RBBP6: variants seen among roughly 807,000 people sequenced by gnomAD.
The protein encoded by RBBP6 is E3 ubiquitin-protein ligase RBBP6.
In RBBP6, 25 loss-of-function variants were observed where a neutral mutation model predicts 167.7. The ratio of observed to expected loss-of-function variants is 0.15; its 90% confidence interval spans 0.11 to 0.21. The LOEUF is 0.21. Among genes scored for constraint, RBBP6 ranks in the 10% least tolerant of loss-of-function variants. The probability of loss-of-function intolerance (pLI) is 1.00; values close to 1 mark genes in which losing one functional copy is unlikely to be tolerated. For missense variants in RBBP6, 1,868 were observed against 2,134.2 expected (o/e 0.88, Z 2.46); for synonymous variants, 789 against 735.8 (o/e 1.07, Z -1.17).
chr16:24,560,299 G>A (rs1434941757), intron 8 of RBBP6, among the ~76,000 whole-genome samples: 3 of 151,966 alleles, frequency 2.0e-5, no homozygotes, highest in Non-Finnish European at 4.4e-5. Flanking sequence ...GTAGAGACGG[G>A]GTTTCACTGT....
intron 13 of RBBP6, among the ~76,000 whole-genome samples, chr16:24,564,511 A>T (rs538119364): frequency 1.3e-5 from 2 of 152,346 alleles, no homozygotes; most frequent in East Asian, 3.9e-4. Flanking sequence ...TATAACAATA[A>T]GTTCACAGAG....
rs761944546 is a variant in RBBP6, at chr16:24,572,184, T to C, written c.5118T>C (p.Pro1706=). Residue 1706 remains proline (P), a synonymous_variant, in exon 18 of 18, where the codon CCT becomes CCC. Transcript: ENST00000319715. Reference sequence around the variant, plus strand: ...TCAGCCCCAGCAGAAGCCACAGTCCTTCTGGAAGCCAGACCCGAAGCCACA... The same window carrying C: ...TCAGCCCCAGCAGAAGCCACAGTCCCTCTGGAAGCCAGACCCGAAGCCACA... ...PSVSPSRSHS[P]SGSQTRSHSS... 6.2e-7 allele frequency: 1 copy of C among 1,613,920 alleles called. No homozygotes were observed. Among genetic ancestry groups the C allele is most frequent in the East Asian group, 2.2e-5 (1 of 44,862 alleles).
intron 7 of RBBP6, among the ~76,000 whole-genome samples, chr16:24,558,934 G>A (rs1375507236): frequency 1.3e-5 from 2 of 152,092 alleles, no homozygotes; most frequent in Non-Finnish European, 2.9e-5. Flanking sequence ...TTAATTATTT[G>A]TGTGGTAATG....
intron 6 of RBBP6, 147 bp downstream of exon 6, chr16:24,556,064 A>T: frequency 1.1e-6 from 1 of 874,120 alleles, no homozygotes. Flanking sequence ...CCAGGCTTCA[A>T]ATCTTGGTTC....
Position 24,569,224 on chromosome 16 carries a change from A to G in RBBP6, c.2534A>G (p.Tyr845Cys). The stretch of plus-strand genomic sequence containing the variant: ...TGGTATGAAAAATATTATAAAGGTT[A>G]TGCTGCTGGAGCACAGCCTAGACCC... ...REWYEKYYKG[Y>C]AAGAQPRPSA... Residue 845 changes from tyrosine to cysteine, a missense_variant, in exon 17 of 18, where the codon TAT becomes TGT. By Grantham distance (194) the Tyr-to-Cys change is radical. Around this residue, in one of 7 missense-constraint regions of RBBP6, gnomAD observed 673 missense variants for 691.5 expected, o/e 0.97. Coordinates refer to ENST00000319715, the MANE Select transcript of RBBP6 (RefSeq NM_006910.5). The G allele has an allele frequency of 6.2e-7, 1 of 1,613,886 alleles. No individual in the cohort carries two copies. Among genetic ancestry groups the G allele is most frequent in the Non-Finnish European group, 8.5e-7 (1 of 1,179,958 alleles).
chr16:24,545,480 C>A, intron 1 of RBBP6, among the ~76,000 whole-genome samples: 1 of 152,114 alleles, frequency 6.6e-6, no homozygotes, highest in East Asian at 1.9e-4. Flanking sequence ...ATGGTCTATA[C>A]CTTTCTGTCA....
intron 1 of RBBP6, among the ~76,000 whole-genome samples, chr16:24,541,639 T>C (rs529389484): frequency 2.0e-5 from 3 of 152,344 alleles, no homozygotes; most frequent in Non-Finnish European, 2.9e-5. Flanking sequence ...CTTTCTCCTT[T>C]TCAAAAGTAT....
intron 7 of RBBP6, 75 bp downstream of exon 7, chr16:24,556,522 G>C (rs1898915385): frequency 2.1e-6 from 3 of 1,430,614 alleles, no homozygotes; most frequent in Non-Finnish European, 2.8e-6. Flanking sequence ...TCTTGGGCTT[G>C]TAACTTTGCT....
intron 4 of RBBP6, chr16:24,554,066 A>G (rs1181500900): frequency 2.0e-5 from 3 of 152,712 alleles, no homozygotes; most frequent in African/African-American, 4.8e-5. Context: ...TGAACAACCT[A>G]ATTTGTTTGA....
Position 24,572,549 on chromosome 16 carries a change from T to G in RBBP6, c.*104T>G, listed in dbSNP as rs1899367897. On this transcript the variant is annotated 3_prime_UTR_variant, in exon 18 of 18. Transcript: ENST00000319715. ...TTGTAAATAATGACATGGAAGACCC[T>G]GTGCTGCACTTAAAATATTGCTGCT... The G allele has an allele frequency of 5.8e-6, 8 of 1,368,752 alleles. No individual in the cohort carries two copies. Among genetic ancestry groups the G allele is most frequent in the Admixed American group, 6.1e-5 (2 of 32,680 alleles). 84.8% of individuals were successfully genotyped at this position (1,368,752 alleles called of 1,614,324 possible). A position where few individuals can be genotyped will look rare whatever the true frequency, so the allele number is the denominator to read the frequency against.
chr16:24,570,978 C>T lies in RBBP6; in HGVS notation c.3912C>T (p.Thr1304=), dbSNP rs7196736. Residue 1304 remains threonine (T), a synonymous_variant, in exon 18 of 18, where the codon ACC becomes ACT. Transcript: ENST00000319715. ...TGGAAGAATATAATAATGACAATAC[C>T]GCGCCAGCTGAAGATGTTATCATTA... ...KTMEEYNNDN[T]APAEDVIIMI... 1.3e-5 allele frequency: 21 copies of T among 1,610,992 alleles called. No individual in the cohort carries two copies. The highest frequency in any genetic ancestry group is 5.5e-5 in the South Asian group (5 of 90,850).
At chr16:24,570,605 G>T in intron 17 of RBBP6, 106 bp downstream of exon 17, 1 of 1,060,054 alleles carries the variant, frequency 9.4e-7, no homozygotes, top group Non-Finnish European at 1.3e-6. Context: ...CTGATCTAGG[G>T]AAGTAGGCTG....
chr16:24,559,253 C>T (rs759551286), intron 7 of RBBP6, among the ~76,000 whole-genome samples: 13 of 151,996 alleles, frequency 8.6e-5, no homozygotes, highest in African/African-American at 2.4e-4. Flanking sequence ...TTAAGAGTGA[C>T]GGGTTCTAAG....
In RBBP6 at chr16:24,571,456, A is replaced by G. The variant is rs775442239; in HGVS notation, c.4390A>G (p.Asn1464Asp). 21 of 1,612,826 alleles carry G rather than the reference A, an allele frequency of 1.3e-5. No homozygotes were observed. In the Admixed American group the frequency reaches 1.5e-4, roughly 12 times the overall value. Residue 1464 changes from asparagine (N) to aspartate (D), a missense_variant, in exon 18 of 18, where the codon AAT becomes GAT. Physicochemically the swap from Asn to Asp is conservative, Grantham distance 23. Coordinates refer to ENST00000319715, the MANE Select transcript of RBBP6 (RefSeq NM_006910.5). ...DKHDSTRASS[N>D]KDFTPNRDKK... ...ACATGATTCCACTCGTGCTTCCTCA[A>G]ATAAAGACTTCACTCCCAATAGAGA...
chr16:24,567,978 C>T (rs770231890), intron 16 of RBBP6, 85 bp downstream of exon 16: 149 of 1,151,426 alleles, frequency 1.3e-4, no homozygotes, highest in Non-Finnish European at 1.7e-4. Context: ...AAGAACATTG[C>T]ACTTAGGAAT....
At chr16:24,547,133 TTGA>T (rs1460430497) in intron 2 of RBBP6, among the ~76,000 whole-genome samples, 50 of 152,332 alleles carry the variant, frequency 3.3e-4, no homozygotes, top group African/African-American at 1.1e-3. Context: ...ACAAATTATT[TTGA>T]GTCAATGAAA....
intron 16 of RBBP6, 84 bp downstream of exon 16, chr16:24,567,977 G>T: frequency 8.6e-7 from 1 of 1,159,766 alleles, no homozygotes; most frequent in South Asian, 1.4e-5. Context: ...AAAGAACATT[G>T]CACTTAGGAA....
chr16:24,566,678 G>C (rs1899201427), intron 14 of RBBP6, among the ~76,000 whole-genome samples: 1 of 152,166 alleles, frequency 6.6e-6, no homozygotes, highest in Non-Finnish European at 1.5e-5. Context: ...GGAGGTGGAG[G>C]TTGCAGTGAG....
intron 14 of RBBP6, among the ~76,000 whole-genome samples, chr16:24,565,093 G>T (rs937779059): frequency 6.6e-6 from 1 of 152,118 alleles, no homozygotes; most frequent in Non-Finnish European, 1.5e-5. Context: ...TTCCTTCCCA[G>T]TGATTACTTT....
Sources: allele counts gnomAD v4.1 joint callset (sites outside exome capture counted in the v4.1 genomes callset), GRCh38; gene constraint gnomAD v4.1.1; regional missense constraint gnomAD v4.1.1; transcripts MANE v1.5; gene names NCBI Gene and HGNC (gene_info 2026-07-23, HGNC 2026-07-21).